Variants in COBLL1 observed in about 807,000 individuals in gnomAD.
COBLL1 encodes the protein cordon-bleu protein-like 1.
COBLL1 carries 50 observed loss-of-function variants against 94.8 expected under a neutral mutation model. The observed-to-expected ratio is 0.53, with a 90% confidence interval of 0.42 to 0.67. The LOEUF (loss-of-function observed/expected upper bound fraction) is 0.67, where lower values mean the gene tolerates loss of function less well. COBLL1 is among the 30% of genes least tolerant of loss of function. COBLL1 has a pLI of 0.00. For synonymous variants in COBLL1, 448 were observed against 473.8 expected (o/e 0.95, Z 0.71); for missense variants, 1,362 against 1,348.7 (o/e 1.01, Z -0.15).
chr2:164,832,946 G>A (rs1487233618), intron 2 of COBLL1, among the ~76,000 whole-genome samples: 2 of 152,100 alleles, frequency 1.3e-5, no homozygotes, highest in African/African-American at 4.8e-5. Flanking sequence ...GAGAGGTTGA[G>A]GTAGGAGAAT....
At chr2:164,692,143 G>C in intron 13 of COBLL1, 78 bp downstream of exon 13, 1 of 1,343,742 alleles carries the variant, frequency 7.4e-7, no homozygotes, top group South Asian at 1.7e-5. Flanking sequence ...TTACATGCTA[G>C]AAAAATTTTT....
intron 2 of COBLL1, among the ~76,000 whole-genome samples, chr2:164,759,820 T>G (rs1387538968): frequency 1.3e-5 from 2 of 152,190 alleles, no homozygotes; most frequent in African/African-American, 4.8e-5. Flanking sequence ...AACAACATTA[T>G]CTATTAGGAA....
At chr2:164,786,813 G>A (rs1339444251) in intron 2 of COBLL1, among the ~76,000 whole-genome samples, 2 of 151,958 alleles carry the variant, frequency 1.3e-5, no homozygotes, top group Admixed American at 6.6e-5. Flanking sequence ...CAAAAAGCTT[G>A]GTACACCATT....
chr2:164,837,991 G>A (rs944153871), intron 2 of COBLL1, among the ~76,000 whole-genome samples: 2 of 152,112 alleles, frequency 1.3e-5, no homozygotes, highest in African/African-American at 4.8e-5. Flanking sequence ...AGGTCAGCCT[G>A]GGCAACATAG....
intron 2 of COBLL1, among the ~76,000 whole-genome samples, chr2:164,798,848 T>C (rs1447608902): frequency 6.6e-6 from 1 of 151,328 alleles, no homozygotes; most frequent in Non-Finnish European, 1.5e-5. Context: ...TGAAACCCCG[T>C]CTCTACTAAC....
chr2:164,677,573 A>C (rs1477684903), downstream of COBLL1, among the ~76,000 whole-genome samples: 5 of 152,246 alleles, frequency 3.3e-5, no homozygotes, highest in African/African-American at 1.2e-4. Flanking sequence ...GCAGCTTTAA[A>C]AGATTACTCA....
At chr2:164,797,133 G>T (rs899273512) in intron 2 of COBLL1, among the ~76,000 whole-genome samples, 1 of 152,102 alleles carries the variant, frequency 6.6e-6, no homozygotes, top group Non-Finnish European at 1.5e-5. Flanking sequence ...TATTATTTCT[G>T]GGACCTTTGT....
At chr2:164,707,474 T>A (rs976121730) in intron 7 of COBLL1, among the ~76,000 whole-genome samples, 3 of 152,178 alleles carry the variant, frequency 2.0e-5, no homozygotes, top group Non-Finnish European at 4.4e-5. Flanking sequence ...CCTCCCTGAC[T>A]CCCAACATTT....
At chr2:164,757,408 A>G (rs1254957232) in intron 2 of COBLL1, among the ~76,000 whole-genome samples, 1 of 152,210 alleles carries the variant, frequency 6.6e-6, no homozygotes, top group Non-Finnish European at 1.5e-5. Flanking sequence ...AGTGTTTCAA[A>G]TTTAAATCCC....
chr2:164,673,601 G>A (rs1691283936), intron 1 of COBLL1, among the ~76,000 whole-genome samples: 1 of 152,148 alleles, frequency 6.6e-6, no homozygotes, highest in Admixed American at 6.5e-5. Flanking sequence ...CTTGAACCCA[G>A]GAGCGGAGGT....
intron 2 of COBLL1, among the ~76,000 whole-genome samples, chr2:164,774,651 G>A (rs1559002383): frequency 3.9e-5 from 6 of 152,130 alleles, no homozygotes. Context: ...ACTGTGACTG[G>A]CACTTGCTTT....
rs571554896 is a variant in COBLL1 at position 164,823,866 on chromosome 2, G to A, written c.41+17290C>T. On this transcript the variant is annotated intron_variant, in intron 2 of 13. Coordinates refer to ENST00000652658, the MANE Select transcript of COBLL1 (RefSeq NM_001365672.2). Reference sequence around the variant, plus strand: ...GTTCTGGAATCACCTTCACCCAAACGGAAAACTTTCACATCTAATGATTTC... The same window carrying A: ...GTTCTGGAATCACCTTCACCCAAACAGAAAACTTTCACATCTAATGATTTC... Among the ~76,000 whole-genome samples the A allele has an allele frequency of 6.6e-5, 10 of 152,068 alleles. No individual in the cohort carries two copies. In the East Asian group the frequency reaches 1.5e-3, roughly 24 times the overall value.
chr2:164,692,184 T>A (rs1683638275), intron 13 of COBLL1, 37 bp downstream of exon 13: 3 of 1,534,026 alleles, frequency 2.0e-6, no homozygotes, highest in Non-Finnish European at 2.6e-6. Flanking sequence ...ATGGTGACAA[T>A]AAACCCACTG....
intron 3 of COBLL1, 110 bp from the exon 4 acceptor site, chr2:164,730,225 A>G: frequency 1.0e-6 from 1 of 973,496 alleles, no homozygotes; most frequent in Non-Finnish European, 1.5e-6. Context: ...AAAGCAGCTT[A>G]AATATTGAAC....
intron 13 of COBLL1, among the ~76,000 whole-genome samples, chr2:164,688,178 GA>G (rs1416510544): frequency 1.3e-5 from 2 of 152,138 alleles, no homozygotes; most frequent in African/African-American, 4.8e-5. Context: ...AAGTGGGCTA[GA>G]AGCTTACAGA....
intron 9 of COBLL1, among the ~76,000 whole-genome samples, chr2:164,701,354 AC>A (rs1308491488): frequency 1.3e-5 from 2 of 152,204 alleles, no homozygotes; most frequent in African/African-American, 4.8e-5. Context: ...AAAGCCACTG[AC>A]CTAGATGCTT....
intron 2 of COBLL1, among the ~76,000 whole-genome samples, chr2:164,791,536 A>G (rs796998550): frequency 6.6e-6 from 1 of 152,136 alleles, no homozygotes; most frequent in Non-Finnish European, 1.5e-5. Flanking sequence ...ACATACATAC[A>G]TTTGTTTTAA....
intron 2 of COBLL1, among the ~76,000 whole-genome samples, chr2:164,763,664 C>T (rs1687800433): frequency 6.6e-6 from 1 of 152,104 alleles, no homozygotes. Flanking sequence ...AAAGATCGCA[C>T]ACATTCATGA....
At chr2:164,754,513 T>C (rs1415200185) in intron 2 of COBLL1, among the ~76,000 whole-genome samples, 2 of 152,198 alleles carry the variant, frequency 1.3e-5, no homozygotes, top group Admixed American at 1.3e-4. Context: ...AAGAGTGAGC[T>C]TGGAAGCAAA....
Sources: gnomAD v4.1 joint callset for allele counts (sites outside exome capture counted in the v4.1 genomes callset) on GRCh38, gnomAD v4.1.1 for gene constraint, MANE v1.5 for transcripts, NCBI Gene and HGNC (gene_info 2026-07-23, HGNC 2026-07-21) for gene names.